Variants in CCNT2 observed in about 807,000 individuals in gnomAD.
CCNT2 encodes the protein cyclin T2, also known as cyclin-T2.
Under a neutral mutation model 70.0 loss-of-function variants are expected in CCNT2, and 18 were observed. The ratio of observed to expected loss-of-function variants is 0.26; its 90% CI spans 0.18 to 0.38. The LOEUF is 0.38. CCNT2 is among the 10% of genes least tolerant of loss of function. CCNT2 has a pLI of 1.00. For missense variants in CCNT2, 734 were observed against 890.2 expected, an observed-to-expected ratio of 0.82 and a Z score of 2.23; for synonymous variants, 334 against 313.3, an observed-to-expected ratio of 1.07 and a Z score of -0.70.
intron 3 of CCNT2, among the ~76,000 whole-genome samples, chr2:134,938,481 G>A (rs4953939): frequency 0.35 from 53,070 of 151,944 alleles, 10,072 homozygotes; most frequent in Middle Eastern, 0.67. Flanking sequence ...TTATGTCCCC[G>A]TGGGTATGAG....
chr2:134,920,903 C>T (rs911183581), intron 2 of CCNT2, among the ~76,000 whole-genome samples: 1 of 152,296 alleles, frequency 6.6e-6, no homozygotes, highest in South Asian at 2.1e-4. Flanking sequence ...TTAATCTCTT[C>T]GGATCCTATT....
intron 2 of CCNT2, among the ~76,000 whole-genome samples, chr2:134,933,304 A>G (rs1316741536): frequency 6.6e-6 from 1 of 152,234 alleles, no homozygotes. Context: ...GAGAATAAGG[A>G]CTAGAATGAT....
At chr2:134,942,233 C>G (rs576162673) in intron 4 of CCNT2, among the ~76,000 whole-genome samples, 4 of 151,528 alleles carry the variant, frequency 2.6e-5, no homozygotes, top group South Asian at 2.1e-4. Flanking sequence ...GAAAACTGCA[C>G]TTTTCATGTC....
At position 134,954,313 on chromosome 2, in the gene CCNT2, A is replaced by G; in HGVS notation, c.1858A>G (p.Arg620Gly). The G allele has an allele frequency of 6.2e-7, 1 of 1,614,178 alleles. No homozygotes were observed. The highest frequency in any genetic ancestry group is 8.5e-7 in the Non-Finnish European group (1 of 1,179,992). ...ISSSSSSSRK[R>G]LHVNDASHNH... is the part of the protein sequence containing the mutation. The stretch of plus-strand genomic sequence containing the variant: ...CTCTAGCTCCAGCTCTTCAAGGAAG[A>G]GGCTGCATGTCAATGATGCATCTCA... Residue 620 changes from arginine (R) to glycine (G), a missense_variant, in exon 9 of 9, where the codon AGG becomes GGG. Arg to Gly is a moderately radical substitution (Grantham distance 125). Transcript: ENST00000264157.
chr2:134,930,466 T>C (rs563310049), intron 2 of CCNT2, among the ~76,000 whole-genome samples: 6 of 152,352 alleles, frequency 3.9e-5, no homozygotes, highest in Non-Finnish European at 8.8e-5. Context: ...AACATTCATG[T>C]ACAAGTTTTT....
At chr2:134,951,690 AAAAG>A (rs780299455) in intron 7 of CCNT2, among the ~76,000 whole-genome samples, 10 of 152,210 alleles carry the variant, frequency 6.6e-5, no homozygotes, top group Admixed American at 1.3e-4. Flanking sequence ...TTTAACAAAA[AAAAG>A]AAAGAAAGAA....
chr2:134,955,034 G>GTA lies in CCNT2; in HGVS notation c.*388_*389dup, dbSNP rs1209399458. ...ATGAGTGTAAATTGTTTTCTTTTGT[G>GTA]TATTTATACTTGTATGTATGATTTG... On this transcript the variant is annotated 3_prime_UTR_variant, in exon 9 of 9. Transcript: ENST00000264157. 1 of 175,082 alleles carries GTA rather than the reference G, an allele frequency of 5.7e-6. No individual in the cohort carries two copies. The highest frequency in any genetic ancestry group is 1.5e-4 in the East Asian group (1 of 6,758). The allele number at this position is 175,082 out of a possible 1,614,324, so 10.8% of individuals were successfully genotyped here. A position where few individuals can be genotyped will look rare whatever the true frequency, so the allele number is the denominator to read the frequency against.
At chr2:134,945,483 C>T in intron 5 of CCNT2, 1 of 985,374 alleles carries the variant, frequency 1.0e-6, no homozygotes, top group East Asian at 1.1e-4. Context: ...ATACCTGTAT[C>T]TTTCCTAAGT....
At chr2:134,932,389 A>G (rs930472989) in intron 2 of CCNT2, among the ~76,000 whole-genome samples, 1 of 152,156 alleles carries the variant, frequency 6.6e-6, no homozygotes, top group Admixed American at 6.5e-5. Context: ...AACCATTTTC[A>G]GTATATTGTT....
chr2:134,931,262 C>CTTTTTTTTTTTTTTTTTTTTTTTT lies in CCNT2; in HGVS notation c.241-5577_241-5554dup. On this transcript the variant is annotated intron_variant, in intron 2 of 8. Coordinates refer to ENST00000264157, the MANE Select transcript of CCNT2 (RefSeq NM_058241.3). ...CAGGCATAAGCCACCATGCCCGGAT[C>CTTTTTTTTTTTTTTTTTTTTTTTT]TTTTTTTTTTTTTTTTTTTTTTTTT... Among the ~76,000 whole-genome samples, 55 of 42,422 alleles carry CTTTTTTTTTTTTTTTTTTTTTTTT rather than the reference C, an allele frequency of 1.3e-3. 5 individuals carry two copies. Among genetic ancestry groups the CTTTTTTTTTTTTTTTTTTTTTTTT allele is most frequent in the East Asian group, 3.8e-3 (2 of 532 alleles). The allele number at this position is 42,422 out of a possible 152,430, so 27.8% of individuals were successfully genotyped here.
At chr2:134,940,527 TAAAC>T (rs1336921565) in intron 4 of CCNT2, among the ~76,000 whole-genome samples, 9 of 152,052 alleles carry the variant, frequency 5.9e-5, no homozygotes, top group East Asian at 3.9e-4. Context: ...AAAATGTAAA[TAAAC>T]AAATGTAAAG....
intron 2 of CCNT2, among the ~76,000 whole-genome samples, chr2:134,926,254 T>C (rs1255809233): frequency 1.3e-5 from 2 of 152,166 alleles, no homozygotes; most frequent in Admixed American, 6.5e-5. Context: ...GATATTAGCT[T>C]TCCTGAACTT....
At chr2:134,925,859 CTT>C (rs3041372) in intron 2 of CCNT2, among the ~76,000 whole-genome samples, 5,256 of 84,904 alleles carry the variant, frequency 0.062, 72 homozygotes, top group African/African-American at 0.16. Flanking sequence ...GGATAGCTGC[CTT>C]TTTTTTTTTT....
chr2:134,954,663 C>T lies in CCNT2; in HGVS notation c.*15C>T. On this transcript the variant is annotated 3_prime_UTR_variant, in exon 9 of 9. Transcript: ENST00000264157. ...TGAACATGTAATAATTTGTTTAGGT[C>T]AATTTTTCCTTTACTTTTTTAATTT... 6.6e-7 allele frequency: 1 copy of T among 1,520,556 alleles called. No homozygotes were observed. The highest frequency in any genetic ancestry group is 9.0e-7 in the Non-Finnish European group (1 of 1,106,262). 94.2% of individuals were successfully genotyped at this position (1,520,556 alleles called of 1,614,324 possible).
At chr2:134,928,607 G>A (rs576071882) in intron 2 of CCNT2, among the ~76,000 whole-genome samples, 3 of 152,150 alleles carry the variant, frequency 2.0e-5, no homozygotes, top group South Asian at 4.1e-4. Context: ...GACGGTGTGG[G>A]CTATAGTCAT....
In CCNT2 at chr2:134,956,804, G is replaced by GT. The variant is rs1476812711; in HGVS notation, c.*2160dup. On this transcript the variant is annotated 3_prime_UTR_variant, in exon 9 of 9. Coordinates refer to ENST00000264157, the MANE Select transcript of CCNT2 (RefSeq NM_058241.3). ...AACTTCACTAAGAATTTGCAGAATT[G>GT]TTTTGAGATGTGTGAATAAAGGTAA... 1.3e-5 allele frequency: 2 copies of GT among 152,600 alleles called. No individual in the cohort carries two copies. Among genetic ancestry groups the GT allele is most frequent in the Non-Finnish European group, 2.9e-5 (2 of 68,012 alleles). The allele number at this position is 152,600 out of a possible 1,614,324, so 9.5% of individuals were successfully genotyped here. A position where few individuals can be genotyped will look rare whatever the true frequency, so the allele number is the denominator to read the frequency against.
At chr2:134,924,170 A>T (rs2105014346) in intron 2 of CCNT2, among the ~76,000 whole-genome samples, 1 of 152,222 alleles carries the variant, frequency 6.6e-6, no homozygotes, top group South Asian at 2.1e-4. Flanking sequence ...CCATTTGTGA[A>T]TTTATCTCTC....
At chr2:134,951,150 C>T (rs888904349) in intron 7 of CCNT2, among the ~76,000 whole-genome samples, 4 of 151,172 alleles carry the variant, frequency 2.6e-5, no homozygotes, top group African/African-American at 9.7e-5. Flanking sequence ...CTAGTCATGA[C>T]ATTGTCAAGG....
At chr2:134,945,597 G>T in intron 5 of CCNT2, 1 of 985,344 alleles carries the variant, frequency 1.0e-6, no homozygotes, top group Non-Finnish European at 1.2e-6. Flanking sequence ...ATGCTTAATA[G>T]CATGATGAAA....
Sources: gnomAD v4.1 joint callset for allele counts (sites outside exome capture counted in the v4.1 genomes callset) on GRCh38, gnomAD v4.1.1 for gene constraint, MANE v1.5 for transcripts, NCBI Gene and HGNC (gene_info 2026-07-23, HGNC 2026-07-21) for gene names.